Variants in ATP10A observed in about 807,000 individuals in gnomAD.
The protein encoded by ATP10A is ATPase phospholipid transporting 10A (putative), also known as phospholipid-transporting ATPase VA.
A neutral mutation model predicts 147.8 loss-of-function variants in ATP10A; 111 were observed. The observed-to-expected ratio is 0.75, with a 90% CI of 0.64 to 0.88. ATP10A has a LOEUF of 0.88. Among genes scored for constraint, ATP10A ranks in the 40% least tolerant of loss-of-function variants. The pLI is 0.00. For missense variants in ATP10A, 1,927 were observed against 1,959.0 expected (o/e 0.98, Z 0.31); for synonymous variants, 875 against 841.6 (o/e 1.04, Z -0.69).
rs538120070 is a variant in ATP10A, at chr15:25,814,829, AG to A, written c.450-33607del. On this transcript the variant is annotated intron_variant, in intron 1 of 20. Transcript: ENST00000555815. ...ATTTCCAAATCTGAGGACAGACAGA[AG>A]AAAAAGGCAGAGCCAGCCACATAGT... 2.4e-4 allele frequency among the ~76,000 whole-genome samples: 36 copies of A among 152,340 alleles called. No individual in the cohort carries two copies. In the East Asian group the frequency reaches 6.6e-3, roughly 28 times the overall value.
At chr15:25,715,268 G>T (rs758096299) in intron 9 of ATP10A, among the ~76,000 whole-genome samples, 2 of 152,190 alleles carry the variant, frequency 1.3e-5, no homozygotes, top group Non-Finnish European at 2.9e-5. Context: ...ACGCTACATA[G>T]CCAGCTGGGA....
At chr15:25,736,325 A>G (rs996192242) in intron 2 of ATP10A, among the ~76,000 whole-genome samples, 184 bp from the exon 3 acceptor site, 1 of 152,206 alleles carries the variant, frequency 6.6e-6, no homozygotes, top group Non-Finnish European at 1.5e-5. Flanking sequence ...ACAGTTAATC[A>G]TTTTATAACG....
intron 2 of ATP10A, among the ~76,000 whole-genome samples, chr15:25,749,947 G>C (rs950621402): frequency 6.6e-6 from 1 of 151,970 alleles, no homozygotes; most frequent in African/African-American, 2.4e-5. Flanking sequence ...AGAGAAAAAA[G>C]AATCAAAAGA....
At chr15:25,811,508 G>A (rs550974056) in intron 1 of ATP10A, among the ~76,000 whole-genome samples, 11 of 152,236 alleles carry the variant, frequency 7.2e-5, no homozygotes, top group African/African-American at 1.9e-4. Context: ...CTGCACACCC[G>A]GGCATCCCTC....
intron 17 of ATP10A, among the ~76,000 whole-genome samples, chr15:25,683,004 C>T (rs1185534266): frequency 1.3e-5 from 2 of 152,004 alleles, no homozygotes; most frequent in African/African-American, 2.4e-5. Flanking sequence ...TAGAAAAATC[C>T]CCCCTCTAGC....
chr15:25,824,994 G>A (rs2140854647), intron 1 of ATP10A, among the ~76,000 whole-genome samples: 1 of 152,216 alleles, frequency 6.6e-6, no homozygotes, highest in African/African-American at 2.4e-5. Flanking sequence ...TCCAGCCCAG[G>A]TGATAGAACG....
At chr15:25,761,857 G>A (rs1323774817) in intron 2 of ATP10A, among the ~76,000 whole-genome samples, 1 of 152,172 alleles carries the variant, frequency 6.6e-6, no homozygotes, top group Non-Finnish European at 1.5e-5. Flanking sequence ...TTGGACTTTT[G>A]GGTTAATGCT....
At chr15:25,677,701 T>G (rs896925626), downstream of ATP10A, 8 of 152,468 alleles carry the variant, frequency 5.2e-5, no homozygotes, top group East Asian at 1.5e-3. Context: ...CCGAAATCAC[T>G]GGCTGAAGCC....
Position 25,694,993 on chromosome 15 carries a change from G to C in ATP10A, c.2914C>G (p.Leu972Val). ...GCCAGGCTTCTCCCATCGATCACGA[G>C]GCTGGGTCTGCGGCCAGAGGCAGTG... Reference protein sequence around the residue: ...TSTASGRRPSLVIDGRSLAYA... With the variant: ...TSTASGRRPSVVIDGRSLAYA... The change falls in exon 14 of 21, where the codon CTC becomes GTC. Residue 972 changes from leucine (L) to valine (V), a missense_variant. Physicochemically the swap from Leu to Val is conservative, Grantham distance 32. Transcript: ENST00000555815. The C allele has an allele frequency of 1.5e-5, 25 of 1,614,202 alleles. No homozygotes were observed. Among genetic ancestry groups the C allele is most frequent in the Non-Finnish European group, 2.1e-5 (25 of 1,180,036 alleles).
In ATP10A at chr15:25,721,668, T is replaced by C; in HGVS notation, c.1352A>G (p.His451Arg). The change falls in exon 7 of 21, where the codon CAT (histidine) becomes CGT (arginine). Residue 451 changes from histidine to arginine, a missense_variant. Physicochemically the swap from His to Arg is conservative, Grantham distance 29. Coordinates refer to ENST00000555815, the MANE Select transcript of ATP10A (RefSeq NM_024490.4). Reference protein sequence around the residue: ...RCTVSGVEYSHDANAQRLARY... With the variant: ...RCTVSGVEYSRDANAQRLARY... ...ACCCCCAGACTCACCATTTGCATCA[T>C]GAGAATATTCTACACCAGACACAGT... 1 of 1,609,428 alleles carries C rather than the reference T, an allele frequency of 6.2e-7. No individual in the cohort carries two copies. The highest frequency in any genetic ancestry group is 8.5e-7 in the Non-Finnish European group (1 of 1,176,046).
At chr15:25,751,406 A>C (rs1888150502) in intron 2 of ATP10A, among the ~76,000 whole-genome samples, 1 of 152,154 alleles carries the variant, frequency 6.6e-6, no homozygotes, top group Non-Finnish European at 1.5e-5. Flanking sequence ...AACATCATCA[A>C]CCAGTGTTAC....
Position 25,695,036 on chromosome 15 carries a change from G to A in ATP10A, c.2871C>T (p.Leu957=). ...AGGCAGTGGACGTGGAGGGTGGGCAGAGAGAGGAGAACCTCATGCTCACTT... is the reference window on the plus strand; with the variant it reads ...AGGCAGTGGACGTGGAGGGTGGGCAAAGAGAGGAGAACCTCATGCTCACTT... ...KGKVSMRFSS[L]CPPSTSTASG... is the part of the protein sequence containing the mutation. Residue 957 remains leucine (L), a synonymous_variant, in exon 14 of 21, where the codon CTC becomes CTT. Coordinates refer to ENST00000555815, the MANE Select transcript of ATP10A (RefSeq NM_024490.4). 6.2e-7 allele frequency: 1 copy of A among 1,614,204 alleles called. No individual in the cohort carries two copies. Among genetic ancestry groups the A allele is most frequent in the Non-Finnish European group, 8.5e-7 (1 of 1,180,042 alleles).
In ATP10A at chr15:25,700,482, T is replaced by C. The variant is rs1900598724; in HGVS notation, c.2760+1434A>G. Reference sequence around the variant, plus strand: ...ATATGCAAAATCTGGTGTTAGTGGATATTACTCAGCATCAAGGAGAAATAT... The same window carrying C: ...ATATGCAAAATCTGGTGTTAGTGGACATTACTCAGCATCAAGGAGAAATAT... On this transcript the variant is annotated intron_variant, in intron 13 of 20. Transcript: ENST00000555815. Among the ~76,000 whole-genome samples, 3 of 152,240 alleles carry C rather than the reference T, an allele frequency of 2.0e-5. No individual in the cohort carries two copies. In the South Asian group the frequency reaches 6.2e-4, roughly 31 times the overall value.
chr15:25,763,023 T>G (rs1277609858), intron 2 of ATP10A, among the ~76,000 whole-genome samples: 2 of 152,222 alleles, frequency 1.3e-5, no homozygotes, highest in African/African-American at 4.8e-5. Flanking sequence ...CTTTTGGTTT[T>G]TTGAAAGACT....
intron 9 of ATP10A, 120 bp downstream of exon 9, chr15:25,716,610 A>G (rs1901827334): frequency 1.2e-5 from 12 of 996,510 alleles, no homozygotes. Flanking sequence ...CCCTTAGGTC[A>G]CGATGTGCCA....
In ATP10A at chr15:25,730,056, C is replaced by T. The variant is rs1032870794; in HGVS notation, c.741-2790G>A. Among the ~76,000 whole-genome samples the T allele has an allele frequency of 6.0e-5, 9 of 150,502 alleles. No individual in the cohort carries two copies. In the East Asian group the frequency reaches 1.6e-3, roughly 26 times the overall value. ...CTGTAATCCCAGCACTTTGGGAGGC[C>T]GAGGCGGGAGGATTGCTTGAGGCCA... On this transcript the variant is annotated intron_variant, in intron 3 of 20. Coordinates refer to ENST00000555815, the MANE Select transcript of ATP10A (RefSeq NM_024490.4).
At chr15:25,858,240 G>A (rs1181086913) in intron 1 of ATP10A, among the ~76,000 whole-genome samples, 2 of 152,176 alleles carry the variant, frequency 1.3e-5, no homozygotes, top group African/African-American at 2.4e-5. Flanking sequence ...CTTAACTCCT[G>A]GGTCTTGTCC....
chr15:25,721,572 G>C, intron 7 of ATP10A, 85 bp downstream of exon 7: 1 of 1,301,794 alleles, frequency 7.7e-7, no homozygotes, highest in East Asian at 2.3e-5. Flanking sequence ...GTGTGTGTGT[G>C]TGTGTGTGTG....
At chr15:25,833,343 T>C (rs1381855970) in intron 1 of ATP10A, among the ~76,000 whole-genome samples, 1 of 152,106 alleles carries the variant, frequency 6.6e-6, no homozygotes, top group Non-Finnish European at 1.5e-5. Flanking sequence ...CTGCTGGCCA[T>C]TCTCCCCAAA....
Sources: allele counts gnomAD v4.1 joint callset (sites outside exome capture counted in the v4.1 genomes callset), GRCh38; gene constraint gnomAD v4.1.1; transcripts MANE v1.5; gene names NCBI Gene and HGNC (gene_info 2026-07-23, HGNC 2026-07-21).